LOC128706665: variants seen among roughly 807,000 people sequenced by gnomAD.
the LOC128706665 span, among the ~76,000 whole-genome samples, chr20:10,414,265 CTT>C: frequency 1.4e-4 from 19 of 132,286 alleles, no homozygotes; most frequent in Admixed American, 1.6e-4. Context: ...GTCTCTGAGT[CTT>C]TTTTTTTTTT....
chr20:10,432,655 G>A, the LOC128706665 span, among the ~76,000 whole-genome samples: 1 of 151,992 alleles, frequency 6.6e-6, no homozygotes, highest in Admixed American at 6.5e-5. Flanking sequence ...TTAGCCAGGT[G>A]CAGTGGCGGG....
chr20:10,421,362 T>C, the LOC128706665 span, among the ~76,000 whole-genome samples: 1 of 148,148 alleles, frequency 6.8e-6, no homozygotes, highest in Middle Eastern at 3.2e-3. Context: ...AGGTGGAGGT[T>C]GCAGTGAGCC....
chr20:10,422,186 C>T, the LOC128706665 span, among the ~76,000 whole-genome samples: 1 of 152,052 alleles, frequency 6.6e-6, no homozygotes, highest in Non-Finnish European at 1.5e-5. Context: ...AATCATTTCT[C>T]CCAAAGGTCT....
the LOC128706665 span, among the ~76,000 whole-genome samples, chr20:10,433,899 C>T: frequency 1.3e-5 from 2 of 152,218 alleles, no homozygotes; most frequent in African/African-American, 2.4e-5. Flanking sequence ...CCGTGCCGAC[C>T]GCAACATTTA....
At chr20:10,417,892 C>T in the LOC128706665 span, among the ~76,000 whole-genome samples, 3 of 152,060 alleles carry the variant, frequency 2.0e-5, no homozygotes, top group African/African-American at 7.2e-5. Context: ...AGGAAGCAAT[C>T]AGCCAAACTG....
chr20:10,427,023 A>C, the LOC128706665 span, among the ~76,000 whole-genome samples: 6,509 of 103,278 alleles, frequency 0.063, 233 homozygotes, highest in Admixed American at 0.096. Flanking sequence ...AAGAAAAGAA[A>C]ACACTGACAC....
chr20:10,420,133 T>C, the LOC128706665 span, among the ~76,000 whole-genome samples: 5 of 152,168 alleles, frequency 3.3e-5, no homozygotes, highest in Admixed American at 1.3e-4. Flanking sequence ...CAAGCTAAAA[T>C]AGTTGATGTT....
At chr20:10,421,625 C>T in the LOC128706665 span, among the ~76,000 whole-genome samples, 5 of 151,950 alleles carry the variant, frequency 3.3e-5, no homozygotes, top group African/African-American at 9.7e-5. Context: ...GAATGTAATG[C>T]CATTTCCACA....
At chr20:10,433,561 T>C in the LOC128706665 span, among the ~76,000 whole-genome samples, 4 of 152,186 alleles carry the variant, frequency 2.6e-5, no homozygotes, top group African/African-American at 9.7e-5. Flanking sequence ...GGGTATGGTC[T>C]TATCGGGGAG....
the LOC128706665 span, among the ~76,000 whole-genome samples, chr20:10,421,544 C>T: frequency 4.6e-5 from 7 of 152,004 alleles, no homozygotes; most frequent in Admixed American, 1.3e-4. Flanking sequence ...GTTTCAACTG[C>T]GATTGCAACA....
chr20:10,419,517 C>T, the LOC128706665 span, among the ~76,000 whole-genome samples: 1 of 152,156 alleles, frequency 6.6e-6, no homozygotes. Context: ...TGTTCCAAGA[C>T]CACCCAGTGG....
At chr20:10,429,904 TG>T in the LOC128706665 span, among the ~76,000 whole-genome samples, 3 of 152,146 alleles carry the variant, frequency 2.0e-5, no homozygotes, top group African/African-American at 7.2e-5. Flanking sequence ...AACTCTAGGG[TG>T]GGGTCCAGTA....
At chr20:10,424,683 A>G in the LOC128706665 span, among the ~76,000 whole-genome samples, 1 of 152,218 alleles carries the variant, frequency 6.6e-6, no homozygotes, top group African/African-American at 2.4e-5. Flanking sequence ...TTTTACTTAC[A>G]ATCAAACATA....
the LOC128706665 span, among the ~76,000 whole-genome samples, chr20:10,427,081 A>ACACACACACACAC: frequency 1.2e-5 from 1 of 85,700 alleles, no homozygotes; most frequent in African/African-American, 5.0e-5. Flanking sequence ...CACACACACA[A>ACACACACACACAC]AGTAAGGTTA....
At chr20:10,424,411 AT>A in the LOC128706665 span, among the ~76,000 whole-genome samples, 1 of 152,080 alleles carries the variant, frequency 6.6e-6, no homozygotes, top group Non-Finnish European at 1.5e-5. Context: ...AAAAACATAT[AT>A]TTTTAAAAAA....
chr20:10,421,777 A>AAT, the LOC128706665 span, among the ~76,000 whole-genome samples: 269 of 150,444 alleles, frequency 1.8e-3, 2 homozygotes, highest in African/African-American at 5.2e-3. Context: ...TAGCTTTTAA[A>AAT]ATATATATAT....
At chr20:10,430,597 T>G in the LOC128706665 span, among the ~76,000 whole-genome samples, 13 of 152,192 alleles carry the variant, frequency 8.5e-5, no homozygotes, top group Non-Finnish European at 1.6e-4. Context: ...CAGTTTCAGT[T>G]AGTTAGCTAA....
chr20:10,414,923 A>G, the LOC128706665 span, among the ~76,000 whole-genome samples: 1 of 152,238 alleles, frequency 6.6e-6, no homozygotes, highest in Non-Finnish European at 1.5e-5. Flanking sequence ...TCCTCCCCAA[A>G]GCACTGGTTA....
chr20:10,415,198 G>A, the LOC128706665 span, among the ~76,000 whole-genome samples: 5 of 152,120 alleles, frequency 3.3e-5, no homozygotes, highest in Admixed American at 6.6e-5. Flanking sequence ...TGTTGAGGCC[G>A]GGTGTTTTAA....
Sources: allele counts gnomAD v4.1 joint callset (sites outside exome capture counted in the v4.1 genomes callset), GRCh38; gene constraint gnomAD v4.1.1; transcripts MANE v1.5.